TRPM3: variants seen among roughly 807,000 people sequenced by gnomAD.
The protein encoded by TRPM3 is transient receptor potential cation channel subfamily M member 3.
A neutral mutation model predicts 181.2 loss-of-function variants in TRPM3; 77 were observed. That is an observed-to-expected ratio of 0.42 (90% CI 0.35 to 0.51). TRPM3 has a LOEUF of 0.51. TRPM3 is among the 20% of genes least tolerant of loss of function. The probability of loss-of-function intolerance (pLI) is 0.01; values close to 1 mark genes in which losing one functional copy is unlikely to be tolerated. For synonymous variants in TRPM3, 745 were observed against 796.4 expected (o/e 0.94, Z 1.09); for missense variants, 1,759 against 2,196.7 (o/e 0.80, Z 3.98).
chr9:71,421,499 T>C (rs971790515), intron 1 of TRPM3, among the ~76,000 whole-genome samples: 1 of 151,980 alleles, frequency 6.6e-6, no homozygotes, highest in African/African-American at 2.4e-5. Context: ...GAGATGACTT[T>C]AGACCCTTAT....
intron 1 of TRPM3, among the ~76,000 whole-genome samples, chr9:71,446,367 G>A (rs937077957): frequency 6.6e-6 from 1 of 152,150 alleles, no homozygotes; most frequent in South Asian, 2.1e-4. Context: ...TCTGTTAACT[G>A]CAAAACTCTT....
At chr9:70,669,986 T>C (rs1449452729) in intron 9 of TRPM3, among the ~76,000 whole-genome samples, 8 of 152,148 alleles carry the variant, frequency 5.3e-5, no homozygotes, top group Admixed American at 4.6e-4. Flanking sequence ...ATCTTCCTGC[T>C]TTGGCCTCCC....
At chr9:70,979,885 G>C (rs2097346108) in intron 1 of TRPM3, among the ~76,000 whole-genome samples, 1 of 152,200 alleles carries the variant, frequency 6.6e-6, no homozygotes, top group African/African-American at 2.4e-5. Flanking sequence ...GAGGGGGAGA[G>C]GAAGGGGTAG....
chr9:71,062,604 T>C (rs902226040), intron 1 of TRPM3, among the ~76,000 whole-genome samples: 3 of 152,258 alleles, frequency 2.0e-5, no homozygotes, highest in Middle Eastern at 6.8e-3. Flanking sequence ...CTTACTGCTA[T>C]GAATTTAATG....
chr9:70,636,035 A>T (rs898877827), intron 11 of TRPM3, among the ~76,000 whole-genome samples: 2 of 152,206 alleles, frequency 1.3e-5, no homozygotes, highest in Non-Finnish European at 2.9e-5. Context: ...ATTGTCCAAG[A>T]AAAGGGTTGG....
At position 71,099,886 on chromosome 9, in the gene TRPM3, G is replaced by A. The variant is rs367692169; in HGVS notation, c.177+21292C>T. ...TTTACCCAAAGTCAGCAGTTATTGAGATGAGACCAGAATATGCAGTGTAAC... is the reference window on the plus strand; with the variant it reads ...TTTACCCAAAGTCAGCAGTTATTGAAATGAGACCAGAATATGCAGTGTAAC... On this transcript the variant is annotated intron_variant, in intron 1 of 25. Transcript: ENST00000677713. Among the ~76,000 whole-genome samples, 3 of 152,194 alleles carry A rather than the reference G, an allele frequency of 2.0e-5. No homozygotes were observed. The South Asian group carries it at 6.2e-4, about 32-fold the overall frequency.
chr9:71,102,025 C>A (rs1444068599), intron 1 of TRPM3, among the ~76,000 whole-genome samples: 1 of 152,174 alleles, frequency 6.6e-6, no homozygotes, highest in Non-Finnish European at 1.5e-5. Context: ...GGAGTTCCAG[C>A]ATGCTTTTTT....
At chr9:71,108,058 G>A (rs976288846) in intron 1 of TRPM3, among the ~76,000 whole-genome samples, 9 of 152,128 alleles carry the variant, frequency 5.9e-5, no homozygotes, top group African/African-American at 2.2e-4. Flanking sequence ...CCATCTTAGG[G>A]TGGAACTCTA....
intron 1 of TRPM3, among the ~76,000 whole-genome samples, chr9:71,255,214 C>T (rs2082597156): frequency 6.6e-6 from 1 of 152,176 alleles, no homozygotes; most frequent in Non-Finnish European, 1.5e-5. Flanking sequence ...ATCTAGCTTC[C>T]ACAAATGTTG....
rs1159776137 is a variant in TRPM3, at chr9:70,530,273, A to G, written c.*5680T>C. 6.6e-6 allele frequency: 1 copy of G among 152,266 alleles called. No individual in the cohort carries two copies. Among genetic ancestry groups the G allele is most frequent in the Admixed American group, 6.5e-5 (1 of 15,278 alleles). The allele number at this position is 152,266 out of a possible 1,614,324, so 9.4% of individuals were successfully genotyped here. A position where few individuals can be genotyped will look rare whatever the true frequency, so the allele number is the denominator to read the frequency against. On this transcript the variant is annotated 3_prime_UTR_variant, in exon 26 of 26. Transcript: ENST00000677713. ...CTGTTGGTCTGGTGAAAAAGCAGCT[A>G]GTCTTAGACTAAGAGAAGAGAAGCA...
At chr9:70,664,914 TGCTGG>T (rs1285856094) in intron 9 of TRPM3, among the ~76,000 whole-genome samples, 16 of 152,166 alleles carry the variant, frequency 1.1e-4, no homozygotes, top group African/African-American at 3.1e-4. Flanking sequence ...CCTCCCAAAG[TGCTGG>T]GATTACAGGC....
intron 1 of TRPM3, among the ~76,000 whole-genome samples, chr9:71,026,093 T>G (rs1000301589): frequency 5.3e-5 from 8 of 152,216 alleles, no homozygotes; most frequent in Non-Finnish European, 1.2e-4. Context: ...GGGGCAGAAC[T>G]GCAGCCAGTG....
intron 1 of TRPM3, among the ~76,000 whole-genome samples, chr9:71,138,758 C>T (rs2074923603): frequency 6.6e-6 from 1 of 152,160 alleles, no homozygotes; most frequent in African/African-American, 2.4e-5. Context: ...TATCAGGCTT[C>T]CTTGGGGAGA....
At chr9:70,866,924 C>A (rs144932209) in intron 1 of TRPM3, among the ~76,000 whole-genome samples, 154 of 152,130 alleles carry the variant, frequency 1.0e-3, no homozygotes, top group Non-Finnish European at 1.8e-3. Flanking sequence ...CTTGAACAGT[C>A]TGGCTTCAGA....
intron 22 of TRPM3, among the ~76,000 whole-genome samples, chr9:70,578,925 C>G (rs939639555): frequency 6.6e-6 from 1 of 152,154 alleles, no homozygotes; most frequent in Non-Finnish European, 1.5e-5. Flanking sequence ...GTTAGTAGCG[C>G]CCCCTGGGTT....
chr9:71,197,838 G>C (rs1392500253), intron 1 of TRPM3, among the ~76,000 whole-genome samples: 1 of 138,802 alleles, frequency 7.2e-6, no homozygotes, highest in Admixed American at 7.6e-5. Context: ...TCACTCTGAT[G>C]GTAGTTTCTT....
At chr9:70,852,285 C>A (rs1225830043) in intron 3 of TRPM3, among the ~76,000 whole-genome samples, 1 of 152,026 alleles carries the variant, frequency 6.6e-6, no homozygotes, top group Non-Finnish European at 1.5e-5. Context: ...CTCCTCCCAA[C>A]AACAGGGATG....
chr9:70,633,306 A>T (rs915770436), intron 12 of TRPM3, among the ~76,000 whole-genome samples: 1 of 152,178 alleles, frequency 6.6e-6, no homozygotes, highest in Non-Finnish European at 1.5e-5. Context: ...TACTCTTCTG[A>T]GTTTAGTTTT....
chr9:70,843,195 A>C, intron 4 of TRPM3, 68 bp from the exon 5 acceptor site: 2 of 1,515,344 alleles, frequency 1.3e-6, no homozygotes, highest in Non-Finnish European at 1.8e-6. Context: ...TCTAAAGAAA[A>C]CTGTGGTAAT....
Sources: gnomAD v4.1 joint callset for allele counts (sites outside exome capture counted in the v4.1 genomes callset) on GRCh38, gnomAD v4.1.1 for gene constraint, MANE v1.5 for transcripts, NCBI Gene and HGNC (gene_info 2026-07-23, HGNC 2026-07-21) for gene names.